Variants in SUN3 observed in about 807,000 individuals in gnomAD.
SUN3 encodes the protein SUN domain-containing protein 3.
Under a neutral mutation model 48.2 loss-of-function variants are expected in SUN3, and 36 were observed. The observed-to-expected ratio is 0.75, with a 90% CI of 0.57 to 0.99. The LOEUF (loss-of-function observed/expected upper bound fraction) is 0.99, where lower values mean the gene tolerates loss of function less well. SUN3 is among the 50% of genes least tolerant of loss of function. SUN3 has a pLI of 0.00. For missense variants in SUN3, 419 were observed against 433.1 expected, an observed-to-expected ratio of 0.97 and a Z score of 0.29; for synonymous variants, 148 against 147.9, an observed-to-expected ratio of 1.00 and a Z score of 0.00.
At chr7:47,989,214 A>G (rs1042394520) in intron 8 of SUN3, among the ~76,000 whole-genome samples, 1 of 152,250 alleles carries the variant, frequency 6.6e-6, no homozygotes, top group Non-Finnish European at 1.5e-5. Context: ...ACATACATAT[A>G]GAGCAAATCC....
chr7:47,988,441 A>G (rs1788959409), intron 9 of SUN3, among the ~76,000 whole-genome samples: 1 of 152,164 alleles, frequency 6.6e-6, no homozygotes, highest in Non-Finnish European at 1.5e-5. Flanking sequence ...ATATTGTACC[A>G]TCATCTTCCT....
At chr7:48,033,004 A>G (rs1447076240), upstream of SUN3, among the ~76,000 whole-genome samples, 1 of 152,252 alleles carries the variant, frequency 6.6e-6, no homozygotes, top group Non-Finnish European at 1.5e-5. Context: ...TAAGCAGGAG[A>G]TTATCTGCAT....
intron 9 of SUN3, 36 bp from the exon 10 acceptor site, chr7:47,987,485 C>T (rs370345779): frequency 1.1e-4 from 164 of 1,479,518 alleles, no homozygotes; most frequent in Non-Finnish European, 1.3e-4. Context: ...TGCCTTATAA[C>T]GAAATTCATC....
At chr7:48,001,952 A>T (rs1485278503) in intron 6 of SUN3, among the ~76,000 whole-genome samples, 1 of 152,092 alleles carries the variant, frequency 6.6e-6, no homozygotes, top group African/African-American at 2.4e-5. Context: ...TGCTGGTTCA[A>T]ATGGTATTTT....
upstream of SUN3, among the ~76,000 whole-genome samples, chr7:48,033,353 G>A (rs1424741711): frequency 6.6e-6 from 1 of 152,092 alleles, no homozygotes; most frequent in East Asian, 1.9e-4. Flanking sequence ...TTGAGGCCAG[G>A]AGTTGGAGAC....
intron 2 of SUN3, among the ~76,000 whole-genome samples, chr7:48,023,441 A>G (rs879331231): frequency 6.6e-6 from 1 of 152,170 alleles, no homozygotes; most frequent in Non-Finnish European, 1.5e-5. Flanking sequence ...TACAAAATGA[A>G]ACAGATCAGA....
chr7:48,031,067 T>C (rs1327759439), upstream of SUN3, among the ~76,000 whole-genome samples: 1 of 152,242 alleles, frequency 6.6e-6, no homozygotes. Context: ...CTCCCTGACA[T>C]TGGTCTTGAC....
At chr7:48,027,137 G>A (rs1321606332) in intron 1 of SUN3, among the ~76,000 whole-genome samples, 1 of 152,168 alleles carries the variant, frequency 6.6e-6, no homozygotes, top group Non-Finnish European at 1.5e-5. Context: ...CCAGTCTTAA[G>A]TCTGTGAGAG....
rs113517318 is a variant in SUN3 at position 47,996,451 on chromosome 7, T to C, written c.578-305A>G. ...GGATTCTGTATCACCTAAAAACGTATATAGATCTTTATATTTTAACAGCTC... is the reference window on the plus strand; with the variant it reads ...GGATTCTGTATCACCTAAAAACGTACATAGATCTTTATATTTTAACAGCTC... On this transcript the variant is annotated intron_variant, in intron 6 of 9. Transcript: ENST00000297325. Among the ~76,000 whole-genome samples, 455 of 152,328 alleles carry C rather than the reference T, an allele frequency of 3.0e-3. 6 individuals carry two copies. Among genetic ancestry groups the C allele is most frequent in the African/African-American group, 0.01 (424 of 41,576 alleles).
intron 9 of SUN3, among the ~76,000 whole-genome samples, chr7:47,987,988 C>G (rs1388635862): frequency 2.0e-5 from 3 of 152,138 alleles, no homozygotes; most frequent in Admixed American, 6.5e-5. Flanking sequence ...CTGTTTCCCC[C>G]CTCTACACTC....
chr7:47,990,389 A>G (rs1583739085), intron 8 of SUN3, among the ~76,000 whole-genome samples: 1 of 151,726 alleles, frequency 6.6e-6, no homozygotes, highest in Admixed American at 6.6e-5. Context: ...TTTCCTGCTG[A>G]CCCTCTCTCC....
At chr7:47,999,691 C>T (rs148834296) in intron 6 of SUN3, among the ~76,000 whole-genome samples, 128 of 152,276 alleles carry the variant, frequency 8.4e-4, no homozygotes, top group African/African-American at 3.0e-3. Flanking sequence ...CGTGCGCCAC[C>T]GCGCCTGGCT....
At chr7:48,014,531 C>CA (rs1789759797) in intron 3 of SUN3, among the ~76,000 whole-genome samples, 1 of 152,144 alleles carries the variant, frequency 6.6e-6, no homozygotes, top group Non-Finnish European at 1.5e-5. Context: ...GATGCACCTA[C>CA]ACCTGGATAT....
In SUN3 at chr7:48,025,883, G is replaced by T; in HGVS notation, c.178C>A (p.Leu60Ile). ...ATTACTTAGGAAGACTTACCTACAA[G>T]AAGAAAAGTCAGTGTAAGCATTGTA... ...LSTMLTLTFL[L>I]VGLLNHQWLK... The change falls in exon 2 of 10, where the codon CTT becomes ATT. Residue 60 changes from leucine (L) to isoleucine (I), a missense_variant. By Grantham distance (5) the Leu-to-Ile change is conservative. Transcript: ENST00000297325. The T allele has an allele frequency of 6.3e-7, 1 of 1,599,626 alleles. No individual in the cohort carries two copies. The highest frequency in any genetic ancestry group is 8.5e-7 in the Non-Finnish European group (1 of 1,169,592).
chr7:47,989,716 C>T (rs1463646367), intron 8 of SUN3, among the ~76,000 whole-genome samples: 6 of 152,136 alleles, frequency 3.9e-5, no homozygotes, highest in South Asian at 4.1e-4. Context: ...ACTGTCTCTA[C>T]GTAGAAAGAA....
intron 1 of SUN3, among the ~76,000 whole-genome samples, chr7:48,026,356 C>A (rs774766750): frequency 4.6e-5 from 7 of 152,198 alleles, no homozygotes; most frequent in Non-Finnish European, 1.0e-4. Flanking sequence ...AGCTAAAGAA[C>A]TATGACAGTT....
intron 3 of SUN3, among the ~76,000 whole-genome samples, chr7:48,013,384 T>C (rs1029355803): frequency 1.3e-5 from 2 of 152,238 alleles, no homozygotes; most frequent in African/African-American, 4.8e-5. Context: ...CTATTACCAT[T>C]ATCCTGTTCT....
chr7:48,024,702 A>G (rs1790087832), intron 2 of SUN3, among the ~76,000 whole-genome samples: 1 of 151,480 alleles, frequency 6.6e-6, no homozygotes, highest in South Asian at 2.1e-4. Flanking sequence ...CTCATGGTGG[A>G]AGGCAAAGGA....
intron 1 of SUN3, among the ~76,000 whole-genome samples, chr7:48,027,025 T>TG (rs1790156059): frequency 6.6e-6 from 1 of 152,186 alleles, no homozygotes; most frequent in Admixed American, 6.6e-5. Context: ...CAAAGGTACC[T>TG]GCTCTCCTGA....
Sources: gnomAD v4.1 joint callset for allele counts (sites outside exome capture counted in the v4.1 genomes callset) on GRCh38, gnomAD v4.1.1 for gene constraint, MANE v1.5 for transcripts, NCBI Gene and HGNC (gene_info 2026-07-23, HGNC 2026-07-21) for gene names.